Variants in DST observed in about 807,000 individuals in gnomAD.
The protein encoded by DST is dystonin.
In DST, 253 loss-of-function variants were observed where a neutral mutation model predicts 875.2. That is an observed-to-expected ratio of 0.29 (90% CI 0.26 to 0.32). The LOEUF is 0.32. Ranked by LOEUF, DST falls within the 10% of genes least tolerant of loss-of-function variation. The pLI is 1.00. For synonymous variants in DST, 3,124 were observed against 3,197.1 expected, an observed-to-expected ratio of 0.98 and a Z score of 0.77; for missense variants, 8,287 against 9,111.6, an observed-to-expected ratio of 0.91 and a Z score of 3.68.
chr6:56,619,454 G>C, intron 36 of DST: 1 of 1,611,710 alleles, frequency 6.2e-7, no homozygotes. Context: ...TAGATGATCT[G>C]ATTTTCTCTG....
At chr6:56,815,006 G>A (rs1313008572) in intron 4 of DST, among the ~76,000 whole-genome samples, 4 of 152,208 alleles carry the variant, frequency 2.6e-5, no homozygotes, top group African/African-American at 7.2e-5. Flanking sequence ...CCACACAGCC[G>A]AGGTTAGAAT....
intron 9 of DST, among the ~76,000 whole-genome samples, chr6:56,690,050 C>A (rs567033736): frequency 6.6e-6 from 1 of 152,292 alleles, no homozygotes; most frequent in East Asian, 1.9e-4. Flanking sequence ...TATAACATAT[C>A]CTTCACAGAT....
intron 36 of DST, 133 bp downstream of exon 36, chr6:56,624,397 A>G (rs1269795759): frequency 1.5e-5 from 11 of 714,186 alleles, no homozygotes; most frequent in Middle Eastern, 2.3e-4. Flanking sequence ...TTATAATTCA[A>G]TATTTATTTG....
chr6:56,692,825 G>C, intron 9 of DST: 1 of 1,289,826 alleles, frequency 7.8e-7, no homozygotes, highest in Non-Finnish European at 1.0e-6. Flanking sequence ...AGAAGTTTCT[G>C]TTTAACGCTG....
intron 4 of DST, among the ~76,000 whole-genome samples, chr6:56,795,038 C>T (rs926129344): frequency 1.3e-5 from 2 of 152,026 alleles, no homozygotes; most frequent in Non-Finnish European, 2.9e-5. Flanking sequence ...AGCAAAGCCC[C>T]TTATAGGAAA....
intron 4 of DST, among the ~76,000 whole-genome samples, chr6:56,829,535 G>C (rs2099784661): frequency 6.6e-6 from 1 of 152,064 alleles, no homozygotes; most frequent in Non-Finnish European, 1.5e-5. Flanking sequence ...TTTTAAAAGG[G>C]TTTTCAAATG....
At chr6:56,484,955 T>C (rs1351517091) in intron 88 of DST, 3 of 194,130 alleles carry the variant, frequency 1.5e-5, no homozygotes, top group Non-Finnish European at 3.1e-5. Flanking sequence ...GGTCACTGAA[T>C]GAATGATTTT....
intron 36 of DST, chr6:56,618,067 G>T: frequency 6.2e-7 from 1 of 1,614,056 alleles, no homozygotes; most frequent in Non-Finnish European, 8.5e-7. Context: ...AATTGTTCAG[G>T]GCTTGGTCTC....
chr6:56,925,534 GA>G (rs1424206213), intron 2 of DST, among the ~76,000 whole-genome samples: 1 of 152,170 alleles, frequency 6.6e-6, no homozygotes, highest in Non-Finnish European at 1.5e-5. Context: ...TTTTGAGTGG[GA>G]AAAGGGATCA....
At chr6:56,768,294 T>TTA (rs1453334581) in intron 4 of DST, among the ~76,000 whole-genome samples, 4 of 152,176 alleles carry the variant, frequency 2.6e-5, no homozygotes, top group African/African-American at 9.7e-5. Flanking sequence ...TCAATACCTA[T>TTA]TATAAAGCTA....
At position 56,615,591 on chromosome 6, in the gene DST, G is replaced by C. The variant is rs141066017; in HGVS notation, c.4930-1107C>G. The C allele has an allele frequency of 1.5e-5, 24 of 1,613,942 alleles. No homozygotes were observed. Among genetic ancestry groups the C allele is most frequent in the Non-Finnish European group, 1.9e-5 (23 of 1,180,004 alleles). On this transcript the variant is annotated intron_variant, in intron 36 of 103. Coordinates refer to ENST00000680361, the MANE Select transcript of DST (RefSeq NM_001374736.1). ...ACTTCTAACAGTTTAAGTCCTGTGT[G>C]GAAATCAAAATCAGCTTTTTCTAAG...
intron 8 of DST, among the ~76,000 whole-genome samples, chr6:56,701,267 C>A (rs1272600525): frequency 6.6e-6 from 1 of 151,998 alleles, no homozygotes; most frequent in African/African-American, 2.4e-5. Context: ...AATATTTTGG[C>A]CTATGACGTA....
intron 48 of DST, among the ~76,000 whole-genome samples, chr6:56,593,359 GA>G (rs555014147): frequency 1.7e-3 from 251 of 151,090 alleles, no homozygotes; most frequent in African/African-American, 5.8e-3. Context: ...ACTAAAAACA[GA>G]AAAAAAATTA....
chr6:56,487,393 ATGACT>A lies in DST; in HGVS notation c.20878-125_20878-121del, dbSNP rs2095604099. 4 of 902,932 alleles carry A rather than the reference ATGACT, an allele frequency of 4.4e-6. No homozygotes were observed. In the South Asian group the frequency reaches 1.1e-4, roughly 26 times the overall value. The allele number at this position is 902,932 out of a possible 1,614,324, so 55.9% of individuals were successfully genotyped here. A position where few individuals can be genotyped will look rare whatever the true frequency, so the allele number is the denominator to read the frequency against. ...AATTATAGATGCTTTCTGACTTATA[ATGACT>A]TGACTTAGGATTTTTTGACTTTACC... On this transcript the variant is annotated intron_variant, in intron 86 of 103. Coordinates refer to ENST00000680361, the MANE Select transcript of DST (RefSeq NM_001374736.1).
Position 56,528,965 on chromosome 6 carries a change from A to G in DST, c.17596-40T>C, listed in dbSNP as rs1468586120. 3.1e-6 allele frequency: 4 copies of G among 1,299,104 alleles called. No individual in the cohort carries two copies. The South Asian group carries it at 5.1e-5, about 17-fold the overall frequency. The allele number at this position is 1,299,104 out of a possible 1,614,324, so 80.5% of individuals were successfully genotyped here. ...ACCATTTTTATGTGGGGGGAAAAAC[A>G]TTTAAGTTAGCATTAACATTAGTTA... On this transcript the variant is annotated intron_variant, in intron 66 of 103. Coordinates refer to ENST00000680361, the MANE Select transcript of DST (RefSeq NM_001374736.1).
chr6:56,627,166 G>A (rs1277308780), intron 34 of DST, 38 bp downstream of exon 34: 27 of 1,432,382 alleles, frequency 1.9e-5, no homozygotes, highest in Non-Finnish European at 2.7e-5. Flanking sequence ...TCACAAACCT[G>A]AATATTAAAT....
chr6:56,674,846 C>A, intron 9 of DST, among the ~76,000 whole-genome samples: 1 of 152,178 alleles, frequency 6.6e-6, no homozygotes. Flanking sequence ...CCAAAGCAAT[C>A]TACAGATTCA....
At chr6:56,540,114 T>C (rs2097100028) in intron 61 of DST, among the ~76,000 whole-genome samples, 1 of 152,220 alleles carries the variant, frequency 6.6e-6, no homozygotes, top group East Asian at 1.9e-4. Context: ...TAATTATCCA[T>C]TTATCAATAT....
chr6:56,819,075 G>T (rs1396961654), intron 4 of DST, among the ~76,000 whole-genome samples: 1 of 152,102 alleles, frequency 6.6e-6, no homozygotes, highest in Non-Finnish European at 1.5e-5. Flanking sequence ...GTCTAGTAAT[G>T]CAACTAAAAC....
Sources: gnomAD v4.1 joint callset for allele counts (sites outside exome capture counted in the v4.1 genomes callset) on GRCh38, gnomAD v4.1.1 for gene constraint, MANE v1.5 for transcripts, NCBI Gene and HGNC (gene_info 2026-07-23, HGNC 2026-07-21) for gene names.